ADK: variants seen among roughly 807,000 people sequenced by gnomAD.
The protein encoded by ADK is N6,N6-dimethyladenosine kinase.
In ADK, 24 loss-of-function variants were observed where a neutral mutation model predicts 44.7. The observed-to-expected ratio is 0.54, with a 90% confidence interval of 0.39 to 0.76. ADK has a LOEUF of 0.76. ADK is among the 30% of genes least tolerant of loss of function. The pLI is 0.00. For missense variants in ADK, 321 were observed against 425.1 expected, an observed-to-expected ratio of 0.76 and a Z score of 2.15; for synonymous variants, 128 against 142.6, an observed-to-expected ratio of 0.90 and a Z score of 0.73.
intron 6 of ADK, among the ~76,000 whole-genome samples, chr10:74,444,968 T>A (rs1845545695): frequency 6.6e-6 from 1 of 152,044 alleles, no homozygotes; most frequent in African/African-American, 2.4e-5. Flanking sequence ...AAAGAAGCAG[T>A]AAGAAGGCAT....
rs142055432 is a variant in ADK at position 74,632,955 on chromosome 10, T to C, written c.877+32462T>C. Among the ~76,000 whole-genome samples, 284 of 152,346 alleles carry C rather than the reference T, an allele frequency of 1.9e-3. 2 individuals are homozygous for C. Among genetic ancestry groups the C allele is most frequent in the African/African-American group, 6.3e-3 (262 of 41,582 alleles). ...TTCCTTTTTTCAGTTTATAATATAT[T>C]CTGGAAGTTTTTTCATATCACTTCA... On this transcript the variant is annotated intron_variant, in intron 9 of 10. Transcript: ENST00000539909.
intron 6 of ADK, among the ~76,000 whole-genome samples, chr10:74,459,736 AAAAAAAG>A (rs1284238361): frequency 5.5e-5 from 8 of 145,662 alleles, no homozygotes; most frequent in East Asian, 4.1e-4. Flanking sequence ...TCAAAAAAAA[AAAAAAAG>A]AAAAAAAAGA....
chr10:74,221,432 ATGGCCATAC>A (rs1452235582), intron 2 of ADK, among the ~76,000 whole-genome samples: 1 of 152,164 alleles, frequency 6.6e-6, no homozygotes, highest in South Asian at 2.1e-4. Flanking sequence ...TATCGTGAAA[ATGGCCATAC>A]TGCCCAAGGT....
chr10:74,391,377 A>G (rs1188167815), intron 4 of ADK, among the ~76,000 whole-genome samples: 1 of 152,074 alleles, frequency 6.6e-6, no homozygotes, highest in East Asian at 1.9e-4. Flanking sequence ...ATGGAATGCT[A>G]TATTCAGAGA....
At chr10:74,460,175 C>A (rs138721076) in intron 6 of ADK, among the ~76,000 whole-genome samples, 2 of 152,078 alleles carry the variant, frequency 1.3e-5, no homozygotes, top group Non-Finnish European at 2.9e-5. Context: ...GTGCTTTGAG[C>A]GTTATTCTCC....
At position 74,708,349 on chromosome 10, in the gene ADK, G is replaced by A; in HGVS notation, c.993G>A (p.Lys331=). 6.2e-7 allele frequency: 1 copy of A among 1,611,474 alleles called. No individual in the cohort carries two copies. The highest frequency in any genetic ancestry group is 8.5e-7 in the Non-Finnish European group (1 of 1,179,090). ...TTCTGTCTCAACTGGTCTCTGACAA[G>A]CCTCTGACTGAATGTATCCGTGCTG... ...GGFLSQLVSD[K]PLTECIRAGH... is the part of the protein sequence containing the mutation. The change falls in exon 11 of 11, where the codon AAG becomes AAA. Residue 331 remains lysine (K), a synonymous_variant. Coordinates refer to ENST00000539909, the MANE Select transcript of ADK (RefSeq NM_006721.4).
rs1842181600 is a variant in ADK, at chr10:74,357,413, G to C, written c.274-36728G>C. Among the ~76,000 whole-genome samples the C allele has an allele frequency of 2.6e-5, 4 of 151,576 alleles. No individual in the cohort carries two copies. The South Asian group carries it at 8.3e-4, about 32-fold the overall frequency. Reference sequence around the variant, plus strand: ...GAACTTTCAAACTCCATGGGCTCAGGTGACCCTCCCAGCTGGTACTGAAGG... The same window carrying C: ...GAACTTTCAAACTCCATGGGCTCAGCTGACCCTCCCAGCTGGTACTGAAGG... On this transcript the variant is annotated intron_variant, in intron 4 of 10. Coordinates refer to ENST00000539909, the MANE Select transcript of ADK (RefSeq NM_006721.4).
At chr10:74,314,478 T>C (rs966696204) in intron 3 of ADK, among the ~76,000 whole-genome samples, 189 bp from the exon 4 acceptor site, 2 of 152,086 alleles carry the variant, frequency 1.3e-5, no homozygotes. Context: ...TGTACACTTA[T>C]GGAAAACATT....
intron 6 of ADK, among the ~76,000 whole-genome samples, chr10:74,517,546 G>T (rs898193771): frequency 6.6e-6 from 1 of 151,876 alleles, no homozygotes; most frequent in African/African-American, 2.4e-5. Flanking sequence ...AAAACTAGCT[G>T]GGCGTCGTGG....
intron 9 of ADK, among the ~76,000 whole-genome samples, chr10:74,648,614 G>A (rs1024147193): frequency 2.6e-5 from 4 of 151,090 alleles, no homozygotes; most frequent in African/African-American, 9.7e-5. Context: ...GGAGGCGGAG[G>A]TTGCAGTGAG....
chr10:74,655,560 G>T, intron 9 of ADK: 1 of 488,252 alleles, frequency 2.0e-6, no homozygotes, highest in African/African-American at 2.0e-5. Flanking sequence ...TGGCTGGCTG[G>T]CCCCAAGAAA....
chr10:74,213,524 T>TA (rs922071614), intron 2 of ADK, among the ~76,000 whole-genome samples: 28 of 106,714 alleles, frequency 2.6e-4, no homozygotes, highest in South Asian at 1.9e-3. Context: ...TGAAACTTTC[T>TA]AAAAAAAAAG....
chr10:74,478,618 T>C (rs955187159), intron 6 of ADK, among the ~76,000 whole-genome samples: 1 of 152,234 alleles, frequency 6.6e-6, no homozygotes, highest in Admixed American at 6.5e-5. Flanking sequence ...TTTATTTTTC[T>C]GTCACCTGGT....
chr10:74,331,121 A>T (rs1266320993), intron 4 of ADK, among the ~76,000 whole-genome samples: 1 of 152,194 alleles, frequency 6.6e-6, no homozygotes, highest in East Asian at 1.9e-4. Flanking sequence ...TATGCAGCTA[A>T]TATTTTACAC....
chr10:74,588,721 T>A (rs1851613193), intron 7 of ADK, among the ~76,000 whole-genome samples: 1 of 152,198 alleles, frequency 6.6e-6, no homozygotes, highest in South Asian at 2.1e-4. Context: ...CCTTCCATTA[T>A]AAAGTTATGC....
At chr10:74,259,233 C>T (rs1032894795) in intron 3 of ADK, among the ~76,000 whole-genome samples, 2 of 151,698 alleles carry the variant, frequency 1.3e-5, no homozygotes, top group African/African-American at 4.8e-5. Context: ...GTGTGAGCCA[C>T]TGTGCCTGGC....
At chr10:74,676,274 C>T (rs1161698107) in intron 10 of ADK, among the ~76,000 whole-genome samples, 1 of 151,924 alleles carries the variant, frequency 6.6e-6, no homozygotes, top group Non-Finnish European at 1.5e-5. Flanking sequence ...GAATTACAGG[C>T]ATCCGCCATC....
chr10:74,313,925 A>G (rs1840530948), intron 3 of ADK, among the ~76,000 whole-genome samples: 1 of 151,812 alleles, frequency 6.6e-6, no homozygotes, highest in Non-Finnish European at 1.5e-5. Flanking sequence ...GCATATTTTG[A>G]TTGCTCAGGT....
intron 6 of ADK, among the ~76,000 whole-genome samples, chr10:74,494,918 ATC>A (rs773156330): frequency 3.7e-4 from 56 of 152,322 alleles, no homozygotes; most frequent in Non-Finnish European, 7.5e-4. Flanking sequence ...GTCTCAAAGT[ATC>A]TCTGTTTACT....
Sources: gnomAD v4.1 joint callset for allele counts (sites outside exome capture counted in the v4.1 genomes callset) on GRCh38, gnomAD v4.1.1 for gene constraint, MANE v1.5 for transcripts, NCBI Gene and HGNC (gene_info 2026-07-23, HGNC 2026-07-21) for gene names.